ZFC3H1: variants seen among roughly 807,000 people sequenced by gnomAD.
ZFC3H1 encodes the protein zinc finger C3H1-type containing.
ZFC3H1 carries 71 observed loss-of-function variants against 243.7 expected under a neutral mutation model. The observed-to-expected ratio is 0.29, with a 90% CI of 0.24 to 0.36. The LOEUF (loss-of-function observed/expected upper bound fraction) is 0.36. Among genes scored for constraint, ZFC3H1 ranks in the 10% least tolerant of loss-of-function variants. ZFC3H1 has a pLI of 1.00. For missense variants in ZFC3H1, 1,966 were observed against 2,317.1 expected, an observed-to-expected ratio of 0.85 and a Z score of 3.11; for synonymous variants, 838 against 813.0, an observed-to-expected ratio of 1.03 and a Z score of -0.52.
At chr12:71,638,359 A>T in intron 7 of ZFC3H1, 59 bp downstream of exon 7, 1 of 1,530,742 alleles carries the variant, frequency 6.5e-7, no homozygotes, top group Non-Finnish European at 8.9e-7. Context: ...ATTCGTTTTT[A>T]AAAACAAATT....
At chr12:71,638,152 A>G (rs1880511392) in intron 7 of ZFC3H1, among the ~76,000 whole-genome samples, 1 of 152,190 alleles carries the variant, frequency 6.6e-6, no homozygotes, top group African/African-American at 2.4e-5. Flanking sequence ...TTTTCTGAGT[A>G]GCTACTATCT....
intron 1 of ZFC3H1, among the ~76,000 whole-genome samples, chr12:71,657,988 C>CA (rs1168752786): frequency 7.2e-6 from 1 of 138,134 alleles, no homozygotes. Context: ...GACCTCATCT[C>CA]AAAAAAAAGA....
chr12:71,616,690 CTATT>C lies in ZFC3H1; in HGVS notation c.5145-1378_5145-1375del, dbSNP rs1468224445. Among the ~76,000 whole-genome samples, 6 of 152,100 alleles carry C rather than the reference CTATT, an allele frequency of 3.9e-5. No individual in the cohort carries two copies. In the South Asian group the frequency reaches 1.2e-3, roughly 32 times the overall value. On this transcript the variant is annotated intron_variant, in intron 27 of 34. Coordinates refer to ENST00000378743, the MANE Select transcript of ZFC3H1 (RefSeq NM_144982.5). Reference sequence around the variant, plus strand: ...TCGCAAAAATGACAATCTAGTATAACTATTTATCTTAAATTTTTAAATAATTGCA... The same window carrying C: ...TCGCAAAAATGACAATCTAGTATAACTATCTTAAATTTTTAAATAATTGCA...
At position 71,632,246 on chromosome 12, in the gene ZFC3H1, T is replaced by C. The variant is rs1381031765; in HGVS notation, c.3086A>G (p.Asn1029Ser). The C allele has an allele frequency of 3.1e-6, 5 of 1,612,108 alleles. No homozygotes were observed. The highest frequency in any genetic ancestry group is 4.2e-6 in the Non-Finnish European group (5 of 1,179,362). Reference sequence around the variant, plus strand: ...AGACAAAATTTCATCATCAACATCATTTTCTTCAGTGTCCAGGGTTAATTT... The same window carrying C: ...AGACAAAATTTCATCATCAACATCACTTTCTTCAGTGTCCAGGGTTAATTT... ...QDKLTLDTEE[N>S]DVDDEILSGS... Residue 1029 changes from asparagine to serine, a missense_variant, in exon 15 of 35, where the codon AAT becomes AGT. Asn to Ser is a conservative substitution (Grantham distance 46). Around this residue, in one of 4 missense-constraint regions of ZFC3H1, gnomAD observed 1,383 missense variants for 1,723.7 expected, o/e 0.80. Coordinates refer to ENST00000378743, the MANE Select transcript of ZFC3H1 (RefSeq NM_144982.5).
At chr12:71,627,318 C>T (rs1025819623) in intron 21 of ZFC3H1, among the ~76,000 whole-genome samples, 4 of 152,008 alleles carry the variant, frequency 2.6e-5, no homozygotes, top group African/African-American at 9.7e-5. Context: ...AGAAAATTCA[C>T]CATAATTTGG....
At chr12:71,647,260 C>T (rs1294160246) in intron 3 of ZFC3H1, among the ~76,000 whole-genome samples, 6 of 152,134 alleles carry the variant, frequency 3.9e-5, no homozygotes, top group Non-Finnish European at 2.9e-5. Flanking sequence ...TTCTGTGTTT[C>T]ATTCTACTGA....
Position 71,633,413 on chromosome 12 carries a change from C to G in ZFC3H1, c.2536G>C (p.Val846Leu). The G allele has an allele frequency of 2.5e-6, 4 of 1,576,622 alleles. No individual in the cohort carries two copies. Among genetic ancestry groups the G allele is most frequent in the Non-Finnish European group, 2.6e-6 (3 of 1,163,390 alleles). ...HRILLMKDES[V>L]LKNLVQQEAK... ...TCTTGTTGCACTAAATTCTTTAAAA[C>G]AGATTCATCTTTCATCAAGAGAATC... Residue 846 changes from valine to leucine, a missense_variant, in exon 13 of 35, where the codon GTT (valine) becomes CTT (leucine). By Grantham distance (32) the Val-to-Leu change is conservative (BLOSUM62 1). Transcript: ENST00000378743.
In ZFC3H1 at chr12:71,611,103, A is replaced by AC; in HGVS notation, c.5730-7_5730-6insG. ...CAATCTCAGCAGCAATGGCTCTAAG[A>AC]GAAAAAAAAAAAAAAAGAAATATAG... On this transcript the variant is annotated splice_polypyrimidine_tract_variant and splice_region_variant and intron_variant, in intron 32 of 34. Coordinates refer to ENST00000378743, the MANE Select transcript of ZFC3H1 (RefSeq NM_144982.5). 1 of 1,475,248 alleles carries AC rather than the reference A, an allele frequency of 6.8e-7. No homozygotes were observed. Among genetic ancestry groups the AC allele is most frequent in the Non-Finnish European group, 9.0e-7 (1 of 1,106,796 alleles). 91.4% of individuals were successfully genotyped at this position (1,475,248 alleles called of 1,614,324 possible).
intron 6 of ZFC3H1, among the ~76,000 whole-genome samples, chr12:71,641,630 GGA>G (rs1261837757): frequency 6.6e-6 from 1 of 152,168 alleles, no homozygotes; most frequent in Non-Finnish European, 1.5e-5. Context: ...GCAACCTAAA[GGA>G]GAGTTACAGC....
intron 21 of ZFC3H1, 74 bp from the exon 22 acceptor site, chr12:71,626,520 AGT>A: frequency 7.8e-7 from 1 of 1,283,860 alleles, no homozygotes; most frequent in Non-Finnish European, 1.0e-6. Context: ...TAATCCAATG[AGT>A]CAATTTTAAA....
chr12:71,651,211 AG>A (rs1880875098), intron 2 of ZFC3H1, among the ~76,000 whole-genome samples: 1 of 152,202 alleles, frequency 6.6e-6, no homozygotes, highest in Admixed American at 6.5e-5. Flanking sequence ...TCACTGCTCT[AG>A]TTATTCCTTT....
At chr12:71,613,127 C>G (rs1879812954) in intron 31 of ZFC3H1, among the ~76,000 whole-genome samples, 1 of 152,132 alleles carries the variant, frequency 6.6e-6, no homozygotes, top group Non-Finnish European at 1.5e-5. Context: ...CCTTTGTAAC[C>G]TGAAGTTTTC....
At chr12:71,614,316 C>T (rs745483974) in intron 30 of ZFC3H1, among the ~76,000 whole-genome samples, 7 of 151,308 alleles carry the variant, frequency 4.6e-5, no homozygotes, top group Non-Finnish European at 8.9e-5. Context: ...ATTTTCATAA[C>T]CATAACATAA....
chr12:71,623,671 C>CT, intron 23 of ZFC3H1, 74 bp from the exon 24 acceptor site: 1 of 1,067,210 alleles, frequency 9.4e-7, no homozygotes. Flanking sequence ...TTTTACTATG[C>CT]TAAAGTTTAT....
At chr12:71,610,979 T>C in intron 33 of ZFC3H1, 79 bp downstream of exon 33, 1 of 1,558,480 alleles carries the variant, frequency 6.4e-7, no homozygotes, top group Non-Finnish European at 8.7e-7. Context: ...GTGCTTTAAT[T>C]CTTTTAAATT....
chr12:71,657,726 C>T (rs1343368597), intron 1 of ZFC3H1, among the ~76,000 whole-genome samples: 1 of 152,128 alleles, frequency 6.6e-6, no homozygotes, highest in Non-Finnish European at 1.5e-5. Context: ...CGGTGGCTCA[C>T]GCCTGTAATC....
intron 25 of ZFC3H1, 30 bp from the exon 26 acceptor site, chr12:71,620,154 G>A (rs1467820755): frequency 1.7e-5 from 27 of 1,610,900 alleles, no homozygotes; most frequent in Non-Finnish European, 2.2e-5. Flanking sequence ...AAAGGCTAAA[G>A]ACATGAAAAG....
chr12:71,628,016 TTAAAG>T (rs1880213858), intron 20 of ZFC3H1, 82 bp from the exon 21 acceptor site: 3 of 1,324,246 alleles, frequency 2.3e-6, no homozygotes, highest in South Asian at 2.7e-5. Flanking sequence ...GGTCTCATCT[TTAAAG>T]TAACTTAAAA....
intron 31 of ZFC3H1, among the ~76,000 whole-genome samples, chr12:71,612,565 A>G (rs1444583070): frequency 6.6e-6 from 1 of 152,166 alleles, no homozygotes; most frequent in Non-Finnish European, 1.5e-5. Flanking sequence ...GTTTGTCTCA[A>G]CTTTAGTTTT....
Sources: gnomAD v4.1 joint callset for allele counts (sites outside exome capture counted in the v4.1 genomes callset) on GRCh38, gnomAD v4.1.1 for gene constraint, gnomAD v4.1.1 regional missense constraint, MANE v1.5 for transcripts, NCBI Gene and HGNC (gene_info 2026-07-23, HGNC 2026-07-21) for gene names.